The following CHODL variants were observed in gnomAD, a reference collection of about 807,000 sequenced individuals.
CHODL encodes the protein transmembrane protein MT75.
CHODL carries 29 observed loss-of-function variants against 34.5 expected under a neutral mutation model. That is an observed-to-expected ratio of 0.84 (90% CI 0.63 to 1.15). CHODL has a LOEUF of 1.15. Ranked by LOEUF, CHODL falls within the 50% of genes most tolerant of loss-of-function variation. CHODL has a pLI of 0.00. For synonymous variants in CHODL, 125 were observed against 116.1 expected, an observed-to-expected ratio of 1.08 and a Z score of -0.49; for missense variants, 332 against 332.5, an observed-to-expected ratio of 1.00 and a Z score of 0.01.
intron 2 of CHODL, among the ~76,000 whole-genome samples, chr21:18,098,731 C>A (rs2065172433): frequency 1.3e-5 from 2 of 151,974 alleles, no homozygotes; most frequent in Non-Finnish European, 2.9e-5. Flanking sequence ...TGGGTATATA[C>A]CAAAAAGAAA....
At chr21:18,235,307 C>T (rs531182035) in intron 2 of CHODL, among the ~76,000 whole-genome samples, 6 of 151,912 alleles carry the variant, frequency 3.9e-5, no homozygotes, top group Admixed American at 1.3e-4. Context: ...CTGATGGTAG[C>T]ATTATGCATT....
rs532270891 is a variant in CHODL at position 18,116,682 on chromosome 21, G to A, written c.-45+88711G>A. On this transcript the variant is annotated intron_variant, in intron 2 of 6. Coordinates refer to the CHODL transcript ENST00000400127. ...AGCAGGCCTGAGGCCACTAGAGGAA[G>A]TGATGATCCCAGCACCATCTAAGTG... is the stretch of plus-strand genomic sequence containing the variant. Among the ~76,000 whole-genome samples, 76 of 152,336 alleles carry A rather than the reference G, an allele frequency of 5.0e-4. 1 individual carries two copies. The highest frequency in any genetic ancestry group is 1.2e-3 in the South Asian group (6 of 4,828).
chr21:18,220,695 G>GTT (rs75523177), intron 2 of CHODL, among the ~76,000 whole-genome samples: 14 of 147,228 alleles, frequency 9.5e-5, no homozygotes, highest in African/African-American at 1.7e-4. Context: ...TTGGCTCACA[G>GTT]TTTTTTTTTT....
At chr21:18,045,504 C>G (rs1296522421) in intron 2 of CHODL, among the ~76,000 whole-genome samples, 2 of 151,832 alleles carry the variant, frequency 1.3e-5, no homozygotes, top group African/African-American at 4.8e-5. Flanking sequence ...ACCTGGAACT[C>G]CCAGAAGCTA....
In CHODL at chr21:18,257,499, A is replaced by G. The variant is rs538441173; in HGVS notation, c.547+372A>G. The stretch of plus-strand genomic sequence containing the variant: ...AAGTTACCAAAGCACCTATAGACTT[A>G]CACATGTGAGCAGCACTTCTTTATC... On this transcript the variant is annotated intron_variant, in intron 3 of 5. Coordinates refer to ENST00000299295, the MANE Select transcript of CHODL (RefSeq NM_024944.3). Among the ~76,000 whole-genome samples, 25 of 152,356 alleles carry G rather than the reference A, an allele frequency of 1.6e-4. 2 individuals carry two copies. The South Asian group carries it at 4.8e-3, about 29-fold the overall frequency.
At chr21:18,094,866 C>G (rs940839283) in intron 2 of CHODL, among the ~76,000 whole-genome samples, 7 of 151,932 alleles carry the variant, frequency 4.6e-5, no homozygotes, top group Admixed American at 3.3e-4. Context: ...TCTCACTCCT[C>G]TAATCCCAGC....
At chr21:18,098,949 T>C (rs1359587309) in intron 2 of CHODL, among the ~76,000 whole-genome samples, 1 of 152,112 alleles carries the variant, frequency 6.6e-6, no homozygotes, top group Non-Finnish European at 1.5e-5. Context: ...CTGGAGGTCA[T>C]TATGTTATGT....
chr21:18,047,680 A>T (rs1397758048), intron 2 of CHODL, among the ~76,000 whole-genome samples: 2 of 151,894 alleles, frequency 1.3e-5, no homozygotes, highest in Non-Finnish European at 2.9e-5. Context: ...GGTCCTTCTG[A>T]TCTCATTTTC....
chr21:18,257,057 T>C lies in CHODL; in HGVS notation c.477T>C (p.Gly159=). The change falls in exon 3 of 6, where the codon GGT becomes GGC. Residue 159 remains glycine (G), a synonymous_variant. Transcript: ENST00000299295. ...CAACTGCCAATCCTGGCCTTGGGGGTCCCTACCTTTACCAGTGGAATGATG... is the reference window on the plus strand; with the variant it reads ...CAACTGCCAATCCTGGCCTTGGGGGCCCCTACCTTTACCAGTGGAATGATG... ...HQPTANPGLG[G]PYLYQWNDDR... The C allele has an allele frequency of 1.2e-6, 2 of 1,613,886 alleles. No individual in the cohort carries two copies. The highest frequency in any genetic ancestry group is 1.7e-6 in the Non-Finnish European group (2 of 1,179,908).
chr21:18,142,401 A>ATATTCAT (rs2072814551), intron 2 of CHODL, among the ~76,000 whole-genome samples: 1 of 152,160 alleles, frequency 6.6e-6, no homozygotes, highest in Non-Finnish European at 1.5e-5. Flanking sequence ...ATGAATATTA[A>ATATTCAT]AGAAAGCATG....
chr21:17,948,549 GAAATA>G (rs891339041), intron 1 of CHODL, among the ~76,000 whole-genome samples: 18 of 151,770 alleles, frequency 1.2e-4, no homozygotes, highest in African/African-American at 2.4e-4. Context: ...AAAAAAAGAG[GAAATA>G]AAATAGCAGG....
At chr21:18,011,322 T>C (rs1004308516) in intron 1 of CHODL, among the ~76,000 whole-genome samples, 1 of 152,166 alleles carries the variant, frequency 6.6e-6, no homozygotes, top group Non-Finnish European at 1.5e-5. Context: ...CATAAATAGT[T>C]TGTTGTAATC....
At chr21:17,942,880 C>T (rs2063376904) in intron 1 of CHODL, among the ~76,000 whole-genome samples, 1 of 152,174 alleles carries the variant, frequency 6.6e-6, no homozygotes, top group Non-Finnish European at 1.5e-5. Flanking sequence ...GGAATTCCCT[C>T]TTGCTGTTCT....
intron 1 of CHODL, among the ~76,000 whole-genome samples, chr21:17,919,961 G>A (rs1228932569): frequency 6.6e-6 from 1 of 152,132 alleles, no homozygotes; most frequent in Non-Finnish European, 1.5e-5. Context: ...CATAACAAGA[G>A]TCACCTTTGC....
chr21:17,962,829 T>C (rs1445294972), intron 1 of CHODL, among the ~76,000 whole-genome samples: 4 of 152,006 alleles, frequency 2.6e-5, no homozygotes, highest in Non-Finnish European at 5.9e-5. Flanking sequence ...TTTGGGAGGC[T>C]GAGGCGGGTG....
chr21:18,014,138 C>T (rs1444117644), intron 1 of CHODL, among the ~76,000 whole-genome samples: 2 of 152,084 alleles, frequency 1.3e-5, no homozygotes, highest in African/African-American at 2.4e-5. Flanking sequence ...GTGACAGAGT[C>T]ATGTGGAAGA....
intron 2 of CHODL, among the ~76,000 whole-genome samples, chr21:18,051,549 A>C (rs928267705): frequency 2.0e-5 from 3 of 151,812 alleles, no homozygotes; most frequent in Non-Finnish European, 4.4e-5. Context: ...AAGTTATTTG[A>C]AACTGAAGAC....
At chr21:17,976,532 T>C (rs1475373831) in intron 1 of CHODL, among the ~76,000 whole-genome samples, 1 of 152,260 alleles carries the variant, frequency 6.6e-6, no homozygotes, top group East Asian at 1.9e-4. Flanking sequence ...AATCAATTAA[T>C]CAATTCATTT....
intron 1 of CHODL, among the ~76,000 whole-genome samples, chr21:18,014,405 C>G (rs926474531): frequency 6.6e-6 from 1 of 152,188 alleles, no homozygotes; most frequent in Admixed American, 6.5e-5. Context: ...CACATTCTCA[C>G]TTATAAGTGG....
Sources: gnomAD v4.1 joint callset for allele counts (sites outside exome capture counted in the v4.1 genomes callset) on GRCh38, gnomAD v4.1.1 for gene constraint, MANE v1.5 for transcripts, NCBI Gene and HGNC (gene_info 2026-07-23, HGNC 2026-07-21) for gene names.